SPINK1: variants seen among roughly 807,000 people sequenced by gnomAD.
The protein encoded by SPINK1 is serine protease inhibitor Kazal-type 1.
Under a neutral mutation model 9.5 loss-of-function variants are expected in SPINK1, and 5 were observed. That is an observed-to-expected ratio of 0.52 (90% CI 0.27 to 1.10). The LOEUF (loss-of-function observed/expected upper bound fraction) is 1.10. Ranked by LOEUF, SPINK1 falls within the 50% of genes least tolerant of loss-of-function variation. The pLI, the probability that SPINK1 is intolerant of heterozygous loss-of-function variation, is 0.11. For missense variants in SPINK1, 88 were observed against 92.7 expected (o/e 0.95, Z 0.21); for synonymous variants, 37 against 32.3 (o/e 1.14, Z -0.49).
intron 1 of SPINK1, among the ~76,000 whole-genome samples, chr5:147,830,107 C>T (rs1756483112): frequency 1.3e-5 from 2 of 152,176 alleles, no homozygotes; most frequent in African/African-American, 2.4e-5. Flanking sequence ...GTAACCAGGT[C>T]TTCTGATGCA....
At chr5:147,831,263 T>G (rs1486975663) in intron 1 of SPINK1, among the ~76,000 whole-genome samples, 1 of 152,152 alleles carries the variant, frequency 6.6e-6, no homozygotes, top group Admixed American at 6.5e-5. Flanking sequence ...CTCTACCATA[T>G]CCCAACAAAG....
chr5:147,829,208 A>G (rs1756465274), intron 2 of SPINK1, among the ~76,000 whole-genome samples: 1 of 152,182 alleles, frequency 6.6e-6, no homozygotes. Context: ...TCTGTCATTC[A>G]TTATAAATTA....
chr5:147,833,011 T>A (rs1756534633), upstream of SPINK1, among the ~76,000 whole-genome samples: 1 of 152,086 alleles, frequency 6.6e-6, no homozygotes, highest in Non-Finnish European at 1.5e-5. Flanking sequence ...ACAAGAAGGA[T>A]AAGGGTGCTG....
At chr5:147,828,978 G>T (rs960812922) in intron 2 of SPINK1, among the ~76,000 whole-genome samples, 1 of 151,632 alleles carries the variant, frequency 6.6e-6, no homozygotes, top group Non-Finnish European at 1.5e-5. Flanking sequence ...AGTTCCTAAC[G>T]GCAGCAGAAC....
At chr5:147,832,775 C>A (rs1328774992), upstream of SPINK1, among the ~76,000 whole-genome samples, 1 of 152,116 alleles carries the variant, frequency 6.6e-6, no homozygotes, top group African/African-American at 2.4e-5. Flanking sequence ...CTGCCAGAAA[C>A]CATTATAATG....
upstream of SPINK1, among the ~76,000 whole-genome samples, chr5:147,835,476 T>C (rs1756580934): frequency 1.3e-5 from 2 of 152,104 alleles, no homozygotes; most frequent in South Asian, 4.1e-4. Context: ...TGCTAGACTA[T>C]TAGTCATATT....
At chr5:147,829,495 T>C (rs2127135778) in intron 2 of SPINK1, 104 bp downstream of exon 2, 1 of 1,082,974 alleles carries the variant, frequency 9.2e-7, no homozygotes, top group East Asian at 2.4e-5. Flanking sequence ...GCATTCATAC[T>C]CCTCTTAACT....
At chr5:147,837,672 T>C in the SPINK1 span, among the ~76,000 whole-genome samples, 1 of 142,776 alleles carries the variant, frequency 7.0e-6, no homozygotes. Context: ...TTTCTTTCTT[T>C]CTTTCTTTCT....
chr5:147,836,747 C>A, the SPINK1 span, among the ~76,000 whole-genome samples: 1 of 152,174 alleles, frequency 6.6e-6, no homozygotes, highest in Non-Finnish European at 1.5e-5. Context: ...TCCCGCCAAG[C>A]AGTAGCCAAA....
intron 3 of SPINK1, among the ~76,000 whole-genome samples, chr5:147,825,182 C>T (rs1333152143): frequency 6.6e-6 from 1 of 152,116 alleles, no homozygotes; most frequent in Non-Finnish European, 1.5e-5. Flanking sequence ...ATGATTCCTG[C>T]CAGTTCTAAA....
At chr5:147,831,442 A>G in intron 1 of SPINK1, 81 bp downstream of exon 1, 2 of 1,556,764 alleles carry the variant, frequency 1.3e-6, no homozygotes, top group Non-Finnish European at 1.8e-6. Context: ...AGACTACATC[A>G]AAAGTCTAGA....
rs745557876 is a variant in SPINK1 at position 147,828,058 on chromosome 5, G to A, written c.158C>T (p.Thr53Ile). The A allele has an allele frequency of 7.4e-6, 12 of 1,613,290 alleles. No individual in the cohort carries two copies. The highest frequency in any genetic ancestry group is 2.5e-6 in the Non-Finnish European group (3 of 1,179,790). The change falls in exon 3 of 4, where the codon ACT (threonine) becomes ATT (isoleucine). Residue 53 changes from threonine (T) to isoleucine (I), a missense_variant. Thr to Ile is a moderately conservative substitution (Grantham distance 89). Coordinates refer to ENST00000296695, the MANE Select transcript of SPINK1 (RefSeq NM_001379610.1). ...ACATAACACGCATTCATTGGGATAA[G>A]TATTTCCATCAGTCCCACAGACAGG... is the stretch of plus-strand genomic sequence containing the variant. ...YDPVCGTDGN[T>I]YPNECVLCFE...
chr5:147,826,359 C>T (rs1756403945), intron 3 of SPINK1, among the ~76,000 whole-genome samples: 1 of 152,100 alleles, frequency 6.6e-6, no homozygotes, highest in Non-Finnish European at 1.5e-5. Context: ...GTCTCTAGAC[C>T]TAAATTTTCT....
chr5:147,838,915 G>C, the SPINK1 span, among the ~76,000 whole-genome samples: 595 of 152,054 alleles, frequency 3.9e-3, 4 homozygotes, highest in African/African-American at 0.013. Flanking sequence ...CCTGAAGAGG[G>C]AGAGGACCTG....
At chr5:147,837,088 T>C in the SPINK1 span, among the ~76,000 whole-genome samples, 1 of 152,172 alleles carries the variant, frequency 6.6e-6, no homozygotes, top group African/African-American at 2.4e-5. Flanking sequence ...ATTTTCATAA[T>C]TTTTCCTCTA....
intron 3 of SPINK1, 69 bp from the exon 4 acceptor site, chr5:147,824,775 AACAGGGGG>A: frequency 2.2e-6 from 3 of 1,395,142 alleles, no homozygotes; most frequent in Non-Finnish European, 3.0e-6. Context: ...ATGGGAGAAA[AACAGGGGG>A]AAAAATAACA....
chr5:147,836,758 C>T, the SPINK1 span, among the ~76,000 whole-genome samples: 1 of 152,198 alleles, frequency 6.6e-6, no homozygotes, highest in Non-Finnish European at 1.5e-5. Flanking sequence ...AGTAGCCAAA[C>T]TTACAAATGT....
At chr5:147,836,996 A>G in the SPINK1 span, among the ~76,000 whole-genome samples, 1 of 152,240 alleles carries the variant, frequency 6.6e-6, no homozygotes, top group Non-Finnish European at 1.5e-5. Flanking sequence ...TTAATGATTG[A>G]AAGTCTAATC....
At chr5:147,828,211 C>T (rs1756446925) in intron 2 of SPINK1, 83 bp from the exon 3 acceptor site, 1 of 1,033,460 alleles carries the variant, frequency 9.7e-7, no homozygotes, top group Non-Finnish European at 1.5e-6. Flanking sequence ...GGTTTTATTT[C>T]TCTGGGGAAT....
Sources: gnomAD v4.1 joint callset for allele counts (sites outside exome capture counted in the v4.1 genomes callset) on GRCh38, gnomAD v4.1.1 for gene constraint, MANE v1.5 for transcripts, NCBI Gene and HGNC (gene_info 2026-07-23, HGNC 2026-07-21) for gene names.